Variants in BMERB1 observed in about 807,000 individuals in gnomAD.
BMERB1 encodes the protein bMERB domain-containing protein 1.
In BMERB1, 12 loss-of-function variants were observed where a neutral mutation model predicts 23.6. That is an observed-to-expected ratio of 0.51 (90% CI 0.33 to 0.82). BMERB1 has a LOEUF of 0.82. Ranked by LOEUF, BMERB1 falls within the 40% of genes least tolerant of loss-of-function variation. BMERB1 has a pLI of 0.03. For missense variants in BMERB1, 247 were observed against 255.4 expected (o/e 0.97, Z 0.22); for synonymous variants, 122 against 96.6 (o/e 1.26, Z -1.54).
chr16:15,484,492 C>T lies in BMERB1; in HGVS notation c.107-30813C>T, dbSNP rs141755944. 5.6e-3 allele frequency among the ~76,000 whole-genome samples: 852 copies of T among 152,198 alleles called. 10 individuals carry two copies. The highest frequency in any genetic ancestry group is 0.02 in the African/African-American group (823 of 41,522). ...TCTCAACTCACTGCAAACTTCGCCT[C>T]CTGGGTTCAAGCGATTCTCCTGCCT... On this transcript the variant is annotated intron_variant, in intron 1 of 5. Coordinates refer to ENST00000300006, the MANE Select transcript of BMERB1 (RefSeq NM_033201.3).
At chr16:15,577,862 G>A (rs1375576360) in intron 3 of BMERB1, among the ~76,000 whole-genome samples, 2 of 152,172 alleles carry the variant, frequency 1.3e-5, no homozygotes, top group African/African-American at 4.8e-5. Flanking sequence ...GTTAGACTCC[G>A]CCATTTTGCC....
Position 15,586,853 on chromosome 16 carries a change from C to G in BMERB1, c.*24C>G. The G allele has an allele frequency of 2.0e-6, 3 of 1,478,854 alleles. No individual in the cohort carries two copies. The highest frequency in any genetic ancestry group is 2.8e-6 in the Non-Finnish European group (3 of 1,089,558). The allele number at this position is 1,478,854 out of a possible 1,614,324, so 91.6% of individuals were successfully genotyped here. On this transcript the variant is annotated 3_prime_UTR_variant, in exon 6 of 6. Coordinates refer to ENST00000300006, the MANE Select transcript of BMERB1 (RefSeq NM_033201.3). ...AGCCCCCACGTGGGGTGCCCTGGGC[C>G]ATGGGGACCCCCCCCCACCCTCTTG...
chr16:15,569,877 C>A (rs2030680451), intron 3 of BMERB1, among the ~76,000 whole-genome samples: 1 of 152,304 alleles, frequency 6.6e-6, no homozygotes, highest in South Asian at 2.1e-4. Context: ...ATTCAGCCTC[C>A]TCCCATCCTT....
intron 1 of BMERB1, among the ~76,000 whole-genome samples, chr16:15,493,599 G>A (rs188609045): frequency 3.9e-4 from 59 of 152,044 alleles, no homozygotes; most frequent in African/African-American, 1.3e-3. Context: ...TCCTTCTTCT[G>A]CCATGATCTG....
intron 4 of BMERB1, among the ~76,000 whole-genome samples, chr16:15,582,669 G>A (rs2031043131): frequency 6.6e-6 from 1 of 152,066 alleles, no homozygotes; most frequent in Non-Finnish European, 1.5e-5. Context: ...CTTGAGTTAC[G>A]ATTGCACCAT....
intron 2 of BMERB1, among the ~76,000 whole-genome samples, chr16:15,555,921 T>G (rs2030241370): frequency 6.6e-6 from 1 of 152,210 alleles, no homozygotes. Flanking sequence ...GGCTCATGCC[T>G]GTAATCCCAG....
chr16:15,576,282 C>G (rs142583829), intron 3 of BMERB1, among the ~76,000 whole-genome samples: 4 of 152,026 alleles, frequency 2.6e-5, no homozygotes, highest in African/African-American at 9.7e-5. Flanking sequence ...CTCCTGATCT[C>G]GTGATCTGCC....
chr16:15,453,603 G>A (rs1430965729), intron 1 of BMERB1, among the ~76,000 whole-genome samples: 3 of 151,746 alleles, frequency 2.0e-5, no homozygotes, highest in Non-Finnish European at 4.4e-5. Flanking sequence ...GCTGGGCGAG[G>A]TGGCTCACCT....
chr16:15,470,915 C>A (rs1238421218), intron 1 of BMERB1, among the ~76,000 whole-genome samples: 1 of 137,492 alleles, frequency 7.3e-6, no homozygotes, highest in African/African-American at 2.7e-5. Flanking sequence ...CGGCTCACTG[C>A]AACCTCTCCC....
At chr16:15,440,761 G>A (rs577609711) in intron 1 of BMERB1, among the ~76,000 whole-genome samples, 124 of 152,296 alleles carry the variant, frequency 8.1e-4, no homozygotes, top group African/African-American at 3.0e-3. Flanking sequence ...TGCAGGTACA[G>A]TCTTGAGATT....
chr16:15,544,437 A>T (rs1263173108), intron 2 of BMERB1, among the ~76,000 whole-genome samples: 1 of 152,330 alleles, frequency 6.6e-6, no homozygotes, highest in South Asian at 2.1e-4. Flanking sequence ...GCAAAGCATC[A>T]TGGTGGGCCC....
chr16:15,471,629 T>A (rs1289645538), intron 1 of BMERB1, among the ~76,000 whole-genome samples: 1 of 152,168 alleles, frequency 6.6e-6, no homozygotes, highest in East Asian at 1.9e-4. Context: ...GTCTGTCTCT[T>A]TTTAGAGATA....
In BMERB1 at chr16:15,434,670, C is replaced by G; in HGVS notation, c.17C>G (p.Ser6Cys). 1 of 1,613,900 alleles carries G rather than the reference C, an allele frequency of 6.2e-7. No individual in the cohort carries two copies. The highest frequency in any genetic ancestry group is 8.5e-7 in the Non-Finnish European group (1 of 1,179,902). The change falls in exon 1 of 6, where the codon TCT becomes TGT. Residue 6 changes from serine (S) to cysteine (C), a missense_variant. Ser to Cys is a moderately radical substitution (Grantham distance 112). Coordinates refer to ENST00000300006, the MANE Select transcript of BMERB1 (RefSeq NM_033201.3). MELKQ[S>C]LSTHLEAEKP... ...GGATCAGCGATGGAATTAAAGCAAT[C>G]TTTGTCCACCCATCTGGAAGCCGAG...
chr16:15,520,637 C>G (rs1346012110), intron 2 of BMERB1, among the ~76,000 whole-genome samples: 2 of 152,020 alleles, frequency 1.3e-5, no homozygotes. Flanking sequence ...GCGCCCGCCA[C>G]CACGCCTGGC....
At chr16:15,454,253 A>T (rs901109797) in intron 1 of BMERB1, among the ~76,000 whole-genome samples, 7 of 152,232 alleles carry the variant, frequency 4.6e-5, no homozygotes, top group African/African-American at 1.7e-4. Flanking sequence ...CAGTCACGAG[A>T]ATAGGATGTA....
intron 1 of BMERB1, among the ~76,000 whole-genome samples, chr16:15,503,593 C>T (rs1460432504): frequency 3.3e-5 from 5 of 151,992 alleles, no homozygotes; most frequent in Admixed American, 3.3e-4. Flanking sequence ...CCACCGCGCC[C>T]GGCCAACATC....
intron 1 of BMERB1, among the ~76,000 whole-genome samples, chr16:15,456,680 A>G (rs542492327): frequency 1.3e-5 from 2 of 152,280 alleles, no homozygotes; most frequent in South Asian, 4.1e-4. Flanking sequence ...TGATCACTGC[A>G]TAATTTTTCA....
At chr16:15,483,750 C>G (rs963382503) in intron 1 of BMERB1, among the ~76,000 whole-genome samples, 1 of 152,128 alleles carries the variant, frequency 6.6e-6, no homozygotes, top group African/African-American at 2.4e-5. Context: ...AGTTATGTCC[C>G]CTTTCTGGCC....
chr16:15,510,729 TCTCA>T (rs1238449061), intron 1 of BMERB1, among the ~76,000 whole-genome samples: 1 of 151,964 alleles, frequency 6.6e-6, no homozygotes, highest in Non-Finnish European at 1.5e-5. Context: ...TTAGACGTAG[TCTCA>T]CTCTGTCCCT....
Sources: gnomAD v4.1 joint callset for allele counts (sites outside exome capture counted in the v4.1 genomes callset) on GRCh38, gnomAD v4.1.1 for gene constraint, MANE v1.5 for transcripts, NCBI Gene and HGNC (gene_info 2026-07-23, HGNC 2026-07-21) for gene names.